NAV2: variants seen among roughly 807,000 people sequenced by gnomAD.
NAV2 encodes neuron navigator 2.
A neutral mutation model predicts 223.2 loss-of-function variants in NAV2; 54 were observed. The ratio of observed to expected loss-of-function variants is 0.24; its 90% CI spans 0.19 to 0.30. The LOEUF (loss-of-function observed/expected upper bound fraction) is 0.30, where lower values mean the gene tolerates loss of function less well. NAV2 is among the 10% of genes least tolerant of loss of function. The probability of loss-of-function intolerance (pLI) is 1.00; values close to 1 mark genes in which losing one functional copy is unlikely to be tolerated. For synonymous variants in NAV2, 1,279 were observed against 1,239.3 expected, an observed-to-expected ratio of 1.03 and a Z score of -0.67; for missense variants, 2,806 against 3,147.5, an observed-to-expected ratio of 0.89 and a Z score of 2.60.
chr11:19,472,586 A>T (rs936912334), intron 1 of NAV2, among the ~76,000 whole-genome samples: 3 of 152,104 alleles, frequency 2.0e-5, no homozygotes, highest in Non-Finnish European at 4.4e-5. Flanking sequence ...TTGGGTCCTC[A>T]TTTCCTCTTG....
chr11:19,948,561 C>A, intron 9 of NAV2, 130 bp from the exon 10 acceptor site: 1 of 947,020 alleles, frequency 1.1e-6, no homozygotes, highest in Non-Finnish European at 1.5e-6. Flanking sequence ...TCAGGTGGTA[C>A]ATGGGGGCTG....
chr11:19,855,064 A>G (rs1395428619), intron 3 of NAV2, among the ~76,000 whole-genome samples: 1 of 152,202 alleles, frequency 6.6e-6, no homozygotes, highest in Non-Finnish European at 1.5e-5. Flanking sequence ...GCTGCGGCTT[A>G]GGAAGGCTCT....
chr11:20,036,483 C>T (rs1008240990), intron 12 of NAV2, among the ~76,000 whole-genome samples: 13 of 152,158 alleles, frequency 8.5e-5, no homozygotes, highest in African/African-American at 3.1e-4. Flanking sequence ...TCCAGGGGCA[C>T]GTGTCTAATC....
chr11:20,047,787 T>C (rs1342031351), intron 14 of NAV2, among the ~76,000 whole-genome samples: 2 of 152,234 alleles, frequency 1.3e-5, no homozygotes, highest in Non-Finnish European at 2.9e-5. Flanking sequence ...TGTCACGACT[T>C]TGAGCACCCA....
At chr11:19,854,222 G>A (rs2061301841) in intron 3 of NAV2, among the ~76,000 whole-genome samples, 1 of 152,094 alleles carries the variant, frequency 6.6e-6, no homozygotes, top group Non-Finnish European at 1.5e-5. Context: ...TTGTATATGT[G>A]TTGTTTTTTT....
At chr11:19,611,942 C>A (rs2046657721) in intron 1 of NAV2, among the ~76,000 whole-genome samples, 1 of 152,256 alleles carries the variant, frequency 6.6e-6, no homozygotes, top group Non-Finnish European at 1.5e-5. Context: ...CAGAGGTTCT[C>A]CATGAGGGCA....
chr11:19,476,822 T>G (rs1349467997), intron 1 of NAV2, among the ~76,000 whole-genome samples: 1 of 152,208 alleles, frequency 6.6e-6, no homozygotes. Context: ...CCTGCCAGCA[T>G]GAAAGCTCAG....
chr11:19,647,194 C>T (rs140189441), intron 1 of NAV2, among the ~76,000 whole-genome samples: 591 of 152,268 alleles, frequency 3.9e-3, no homozygotes, highest in Non-Finnish European at 6.5e-3. Context: ...TGTGGCTGAG[C>T]GCACATGTGC....
chr11:19,921,628 T>A (rs1347916637), intron 6 of NAV2, among the ~76,000 whole-genome samples: 1 of 152,124 alleles, frequency 6.6e-6, no homozygotes, highest in East Asian at 1.9e-4. Context: ...ATTTTGAGAG[T>A]CCTGTTTATT....
At chr11:19,700,636 C>A (rs994638908) in intron 1 of NAV2, among the ~76,000 whole-genome samples, 1 of 152,186 alleles carries the variant, frequency 6.6e-6, no homozygotes, top group East Asian at 1.9e-4. Flanking sequence ...ATGCCCAGAC[C>A]TCCACCCGAA....
At chr11:20,071,267 C>A (rs544789688) in intron 22 of NAV2, among the ~76,000 whole-genome samples, 11 of 152,234 alleles carry the variant, frequency 7.2e-5, no homozygotes, top group African/African-American at 2.6e-4. Context: ...CCAGCTTCAT[C>A]CATGTCCCTG....
chr11:19,668,532 C>CAAAA (rs762975832), intron 1 of NAV2, among the ~76,000 whole-genome samples: 8,815 of 64,092 alleles, frequency 0.14, 1,794 homozygotes, highest in Non-Finnish European at 0.18. Flanking sequence ...GACTCGGTCT[C>CAAAA]AAAAAAAAAA....
chr11:19,939,652 T>G lies in NAV2; in HGVS notation c.2034-9T>G. 6.2e-7 allele frequency: 1 copy of G among 1,612,382 alleles called. No individual in the cohort carries two copies. Among genetic ancestry groups the G allele is most frequent in the Non-Finnish European group, 8.5e-7 (1 of 1,178,492 alleles). ...TGACAAGTGTGTCTGCTTCGGTTTG[T>G]GTGTGAAGGTCTCAGACGGACACTG... On this transcript the variant is annotated splice_polypyrimidine_tract_variant and intron_variant, in intron 7 of 37. Transcript: ENST00000349880.
intron 4 of NAV2, among the ~76,000 whole-genome samples, chr11:19,874,604 C>A (rs946354043): frequency 6.6e-6 from 1 of 152,144 alleles, no homozygotes; most frequent in Non-Finnish European, 1.5e-5. Flanking sequence ...AGACAAATAC[C>A]ATTTGGAAAT....
chr11:19,720,859 C>T (rs576401080), intron 1 of NAV2, among the ~76,000 whole-genome samples: 2 of 152,328 alleles, frequency 1.3e-5, no homozygotes, highest in South Asian at 4.1e-4. Context: ...TGCTACATGA[C>T]CTTCAACAAA....
chr11:19,833,863 G>T (rs1280316439), intron 2 of NAV2, among the ~76,000 whole-genome samples: 1 of 152,126 alleles, frequency 6.6e-6, no homozygotes, highest in Non-Finnish European at 1.5e-5. Flanking sequence ...GTCAGCTGGA[G>T]GCCACCATCA....
intron 1 of NAV2, among the ~76,000 whole-genome samples, chr11:19,555,547 A>G (rs886081615): frequency 6.6e-6 from 1 of 152,232 alleles, no homozygotes; most frequent in Non-Finnish European, 1.5e-5. Context: ...TGAGTTTTAC[A>G]TGGGGAGGCC....
intron 10 of NAV2, among the ~76,000 whole-genome samples, chr11:19,963,872 T>C (rs1405889499): frequency 6.6e-6 from 1 of 152,194 alleles, no homozygotes; most frequent in East Asian, 1.9e-4. Context: ...CACAGTGATT[T>C]ACCGAAGCGC....
Position 19,869,094 on chromosome 11 carries a change from CT to C in NAV2, c.511+99del, listed in dbSNP as rs2062286042. The C allele has an allele frequency of 3.4e-6, 4 of 1,190,532 alleles. No individual in the cohort carries two copies. The African/African-American group carries it at 6.0e-5, about 18-fold the overall frequency. 73.7% of individuals were successfully genotyped at this position (1,190,532 alleles called of 1,614,324 possible). ...ATTAACACCATTATGACAAGGGATG[CT>C]TGTGGGCTCCTCTGGTTTTGTTTTC... On this transcript the variant is annotated intron_variant, in intron 4 of 37. Transcript: ENST00000349880.
Sources: gnomAD v4.1 joint callset for allele counts (sites outside exome capture counted in the v4.1 genomes callset) on GRCh38, gnomAD v4.1.1 for gene constraint, MANE v1.5 for transcripts, NCBI Gene and HGNC (gene_info 2026-07-23, HGNC 2026-07-21) for gene names.